Variants in NCAM1 observed in about 807,000 individuals in gnomAD.
NCAM1 encodes neural cell adhesion molecule 1.
A neutral mutation model predicts 109.8 loss-of-function variants in NCAM1; 14 were observed. The ratio of observed to expected loss-of-function variants is 0.13; its 90% CI spans 0.08 to 0.20. The LOEUF (loss-of-function observed/expected upper bound fraction) is 0.20. Among genes scored for constraint, NCAM1 ranks in the 10% least tolerant of loss-of-function variants. The pLI, the probability that NCAM1 is intolerant of heterozygous loss-of-function variation, is 1.00. For missense variants in NCAM1, 774 were observed against 1,109.9 expected (o/e 0.70, Z 4.30); for synonymous variants, 418 against 442.9 (o/e 0.94, Z 0.70).
At chr11:113,242,872 G>C in intron 14 of NCAM1, 1 of 1,613,790 alleles carries the variant, frequency 6.2e-7, no homozygotes, top group Non-Finnish European at 8.5e-7. Flanking sequence ...AGTTGCTCTC[G>C]GCCAGACCTC....
At chr11:112,984,996 C>T (rs1313204256) in intron 1 of NCAM1, among the ~76,000 whole-genome samples, 2 of 151,648 alleles carry the variant, frequency 1.3e-5, no homozygotes, top group East Asian at 3.9e-4. Flanking sequence ...AGCTTTTCCC[C>T]TGTATTTCCT....
intron 14 of NCAM1, among the ~76,000 whole-genome samples, chr11:113,242,248 C>T (rs1179537639): frequency 6.6e-6 from 1 of 152,210 alleles, no homozygotes; most frequent in Non-Finnish European, 1.5e-5. Context: ...GTTATGTTAT[C>T]TCTTGCTGCA....
intron 1 of NCAM1, among the ~76,000 whole-genome samples, chr11:113,042,749 C>T (rs1369220499): frequency 2.0e-5 from 3 of 152,136 alleles, no homozygotes; most frequent in African/African-American, 7.2e-5. Flanking sequence ...TGCCTCAGCC[C>T]TGACTTTTCC....
intron 1 of NCAM1, among the ~76,000 whole-genome samples, chr11:113,155,700 G>A (rs950358710): frequency 3.3e-5 from 5 of 152,022 alleles, no homozygotes; most frequent in African/African-American, 4.8e-5. Context: ...TAGTTGCCCA[G>A]TTATATGTCC....
At position 113,051,220 on chromosome 11, in the gene NCAM1, G is replaced by A. The variant is rs899356604; in HGVS notation, c.52+89556G>A. ...GCTACTATAGAGGGTCTTTTGATAAGTTACAGGTTATTTTGATAAGTTTGT... is the reference window on the plus strand; with the variant it reads ...GCTACTATAGAGGGTCTTTTGATAAATTACAGGTTATTTTGATAAGTTTGT... On this transcript the variant is annotated intron_variant, in intron 1 of 19. Transcript: ENST00000316851. Among the ~76,000 whole-genome samples the A allele has an allele frequency of 7.2e-5, 11 of 152,326 alleles. No individual in the cohort carries two copies. The South Asian group carries it at 2.3e-3, about 32-fold the overall frequency.
At chr11:113,188,071 G>C (rs1943566647) in intron 1 of NCAM1, among the ~76,000 whole-genome samples, 1 of 152,120 alleles carries the variant, frequency 6.6e-6, no homozygotes, top group Admixed American at 6.5e-5. Context: ...GCTGCTGTTG[G>C]GTGTGGAGGA....
intron 1 of NCAM1, among the ~76,000 whole-genome samples, chr11:113,012,294 A>G (rs184798588): frequency 2.6e-5 from 4 of 152,202 alleles, no homozygotes; most frequent in African/African-American, 9.6e-5. Context: ...TTGGGATTAT[A>G]GGCTTTTCCA....
intron 1 of NCAM1, among the ~76,000 whole-genome samples, chr11:113,122,244 A>T (rs367791505): frequency 3.3e-5 from 5 of 152,208 alleles, no homozygotes; most frequent in Non-Finnish European, 5.9e-5. Flanking sequence ...AGCTGTTGAA[A>T]CTGGTTTATC....
At chr11:112,994,890 A>G (rs1555071158) in intron 1 of NCAM1, among the ~76,000 whole-genome samples, 2 of 151,942 alleles carry the variant, frequency 1.3e-5, no homozygotes, top group South Asian at 2.1e-4. Context: ...GTGTGCTTGT[A>G]TGTTATCTTT....
intron 1 of NCAM1, among the ~76,000 whole-genome samples, chr11:113,026,394 G>T (rs1217017545): frequency 6.6e-6 from 1 of 152,108 alleles, no homozygotes; most frequent in Non-Finnish European, 1.5e-5. Flanking sequence ...TTGAGGAAAC[G>T]GAATGTCTCT....
intron 1 of NCAM1, among the ~76,000 whole-genome samples, chr11:112,989,542 T>C (rs942945194): frequency 2.6e-5 from 4 of 152,156 alleles, no homozygotes; most frequent in African/African-American, 7.2e-5. Context: ...AGTTGTCTAA[T>C]TGTATTGTTT....
intron 1 of NCAM1, among the ~76,000 whole-genome samples, chr11:113,036,706 C>T (rs1159586257): frequency 6.6e-6 from 1 of 152,154 alleles, no homozygotes; most frequent in Non-Finnish European, 1.5e-5. Flanking sequence ...TCATAATTCT[C>T]ACTATCCTTG....
intron 1 of NCAM1, among the ~76,000 whole-genome samples, chr11:113,166,344 G>A (rs893876923): frequency 1.3e-5 from 2 of 152,144 alleles, no homozygotes; most frequent in African/African-American, 2.4e-5. Flanking sequence ...TCTGAAAATC[G>A]TAGGAAAACA....
intron 1 of NCAM1, among the ~76,000 whole-genome samples, chr11:113,095,157 T>C (rs1056061926): frequency 6.6e-6 from 1 of 152,186 alleles, no homozygotes; most frequent in Non-Finnish European, 1.5e-5. Flanking sequence ...GAGAATATGA[T>C]TGAAGAGCGG....
intron 1 of NCAM1, among the ~76,000 whole-genome samples, chr11:113,160,037 T>C (rs78133861): frequency 0.078 from 11,858 of 152,158 alleles, 574 homozygotes; most frequent in Non-Finnish European, 0.1. Flanking sequence ...CCACTGTGCC[T>C]GAAACTAGGT....
In NCAM1 at chr11:113,163,048, C is replaced by T. The variant is rs138668812; in HGVS notation, c.53-39331C>T. Among the ~76,000 whole-genome samples the T allele has an allele frequency of 1.9e-4, 29 of 152,242 alleles. 1 individual carries two copies. Among genetic ancestry groups the T allele is most frequent in the African/African-American group, 6.5e-4 (27 of 41,544 alleles). On this transcript the variant is annotated intron_variant, in intron 1 of 19. Coordinates refer to ENST00000316851, the MANE Select transcript of NCAM1 (RefSeq NM_181351.5). ...AGACTTAAGTATTTTTCAAGCTCTCCGTGCAGCCAGGGTGAAGAACCACTG... is the reference window on the plus strand; with the variant it reads ...AGACTTAAGTATTTTTCAAGCTCTCTGTGCAGCCAGGGTGAAGAACCACTG...
intron 9 of NCAM1, among the ~76,000 whole-genome samples, chr11:113,226,388 A>G (rs1400004081): frequency 1.3e-5 from 2 of 152,226 alleles, no homozygotes; most frequent in Non-Finnish European, 2.9e-5. Flanking sequence ...TAACTAACCT[A>G]AATATATATG....
chr11:113,010,439 A>G (rs1952017449), intron 1 of NCAM1, among the ~76,000 whole-genome samples: 1 of 152,210 alleles, frequency 6.6e-6, no homozygotes, highest in Non-Finnish European at 1.5e-5. Flanking sequence ...TCTGATGAAT[A>G]ACAGGATCCT....
At chr11:113,215,817 G>C (rs1442599353) in intron 8 of NCAM1, among the ~76,000 whole-genome samples, 1 of 152,178 alleles carries the variant, frequency 6.6e-6, no homozygotes, top group Non-Finnish European at 1.5e-5. Context: ...ATCAACATTA[G>C]AATTAAACCC....
Sources: gnomAD v4.1 joint callset for allele counts (sites outside exome capture counted in the v4.1 genomes callset) on GRCh38, gnomAD v4.1.1 for gene constraint, MANE v1.5 for transcripts, NCBI Gene and HGNC (gene_info 2026-07-23, HGNC 2026-07-21) for gene names.